The following DDX19B variants were observed in gnomAD, a reference collection of about 807,000 sequenced individuals.
DDX19B encodes the protein DEAD-box helicase 19B.
A neutral mutation model predicts 58.1 loss-of-function variants in DDX19B; 27 were observed. That is an observed-to-expected ratio of 0.46 (90% CI 0.34 to 0.64). The LOEUF is 0.64. Ranked by LOEUF, DDX19B falls within the 30% of genes least tolerant of loss-of-function variation. DDX19B has a pLI of 0.01. For synonymous variants in DDX19B, 187 were observed against 214.4 expected, an observed-to-expected ratio of 0.87 and a Z score of 1.12; for missense variants, 399 against 596.5, an observed-to-expected ratio of 0.67 and a Z score of 3.45.
intron 10 of DDX19B, among the ~76,000 whole-genome samples, chr16:70,332,493 G>A (rs1213226473): frequency 6.6e-6 from 1 of 152,120 alleles, no homozygotes; most frequent in African/African-American, 2.4e-5. Flanking sequence ...TACAGATAGG[G>A]TTTTGCAGTG....
upstream of DDX19B, among the ~76,000 whole-genome samples, chr16:70,298,832 CT>C (rs1961328583): frequency 6.6e-6 from 1 of 152,128 alleles, no homozygotes; most frequent in Non-Finnish European, 1.5e-5. Context: ...TTGCCAACAT[CT>C]GGACATTTTA....
chr16:70,316,630 A>G (rs892034525), intron 4 of DDX19B, among the ~76,000 whole-genome samples: 1 of 152,240 alleles, frequency 6.6e-6, no homozygotes. Context: ...AGCCTGGGCA[A>G]CATAGCGAGA....
At chr16:70,310,893 T>C (rs1404443354) in intron 1 of DDX19B, among the ~76,000 whole-genome samples, 1 of 149,756 alleles carries the variant, frequency 6.7e-6, no homozygotes, top group Non-Finnish European at 1.5e-5. Context: ...TAGCTGGGGG[T>C]GGTAGCGGAC....
At chr16:70,294,851 T>C, upstream of DDX19B, 1 of 1,520,608 alleles carries the variant, frequency 6.6e-7, no homozygotes. Context: ...CCGCGATGGC[T>C]GGGGCTGCCG....
chr16:70,294,537 G>A (rs918946373), upstream of DDX19B, among the ~76,000 whole-genome samples: 1 of 152,192 alleles, frequency 6.6e-6, no homozygotes, highest in African/African-American at 2.4e-5. Context: ...AGATGCTAAT[G>A]GCTCATGATT....
At chr16:70,317,420 A>C in intron 4 of DDX19B, 76 bp from the exon 5 acceptor site, 1 of 1,161,844 alleles carries the variant, frequency 8.6e-7, no homozygotes, top group South Asian at 1.3e-5. Context: ...ACAGTAAAAG[A>C]GAAAAATCCT....
intron 5 of DDX19B, 100 bp from the exon 6 acceptor site, chr16:70,324,485 C>A: frequency 1.0e-6 from 1 of 987,094 alleles, no homozygotes; most frequent in Non-Finnish European, 1.5e-6. Context: ...GCTACATAAT[C>A]CAAGGTCTCC....
rs531212565 is a variant in DDX19B at position 70,316,214 on chromosome 16, T to A, written c.296+110T>A. The A allele has an allele frequency of 1.6e-5, 22 of 1,418,928 alleles. No individual in the cohort carries two copies. In the Middle Eastern group the frequency reaches 5.6e-4, roughly 36 times the overall value. The allele number at this position is 1,418,928 out of a possible 1,614,324, so 87.9% of individuals were successfully genotyped here. A position where few individuals can be genotyped will look rare whatever the true frequency, so the allele number is the denominator to read the frequency against. ...CAGAGCAGTTTTAGCTAACCAAGTTTTTTTTTTTTTTTCGAGACAGAGTCT... is the reference window on the plus strand; with the variant it reads ...CAGAGCAGTTTTAGCTAACCAAGTTATTTTTTTTTTTTCGAGACAGAGTCT... On this transcript the variant is annotated intron_variant, in intron 4 of 11. Transcript: ENST00000288071.
rs1433740854 is a variant in DDX19B at position 70,329,905 on chromosome 16, A to G, written c.860A>G (p.Lys287Arg). 3.7e-6 allele frequency: 6 copies of G among 1,614,118 alleles called. No individual in the cohort carries two copies. Among genetic ancestry groups the G allele is most frequent in the Non-Finnish European group, 4.2e-6 (5 of 1,180,052 alleles). ...GACTCTGTGTGGAAGTTTGCCCAGA[A>G]AGTGGTCCCAGACCCAAACGTTATC... is the stretch of plus-strand genomic sequence containing the variant. ...FEDSVWKFAQKVVPDPNVIKL... is the reference protein window; with the variant it reads ...FEDSVWKFAQRVVPDPNVIKL... Residue 287 changes from lysine to arginine, a missense_variant, in exon 9 of 12, where the codon AAA becomes AGA. Transcript: ENST00000288071.
upstream of DDX19B, among the ~76,000 whole-genome samples, chr16:70,293,548 G>A (rs554417756): frequency 6.7e-6 from 1 of 150,250 alleles, no homozygotes; most frequent in Admixed American, 6.6e-5. Flanking sequence ...CTATAAAATG[G>A]GTTTACAATG....
chr16:70,324,745 T>C (rs910424774), intron 6 of DDX19B, 58 bp downstream of exon 6: 317 of 1,522,760 alleles, frequency 2.1e-4, no homozygotes, highest in Admixed American at 5.1e-4. Flanking sequence ...GGATTTCCAT[T>C]TGATGGATTA....
upstream of DDX19B, among the ~76,000 whole-genome samples, chr16:70,292,566 C>T (rs1961088319): frequency 6.6e-6 from 1 of 152,206 alleles, no homozygotes; most frequent in Non-Finnish European, 1.5e-5. Context: ...ATGTCAACTA[C>T]ATGCTAGAAA....
intron 1 of DDX19B, among the ~76,000 whole-genome samples, chr16:70,305,901 C>T (rs1411335605): frequency 6.6e-6 from 1 of 151,996 alleles, no homozygotes; most frequent in Non-Finnish European, 1.5e-5. Context: ...GCTGGGACTA[C>T]AGGCGCCCAC....
intron 1 of DDX19B, among the ~76,000 whole-genome samples, chr16:70,306,127 TTTG>T (rs551376201): frequency 3.2e-4 from 49 of 151,150 alleles, no homozygotes; most frequent in African/African-American, 8.3e-4. Context: ...TTAGGTCAGT[TTTG>T]TTGTTGTTGT....
intron 11 of DDX19B, 128 bp downstream of exon 11, chr16:70,333,287 T>C (rs1963576802): frequency 1.1e-6 from 1 of 905,122 alleles, no homozygotes; most frequent in Non-Finnish European, 1.7e-6. Flanking sequence ...TTTCTGACCA[T>C]ATGGCAGTTC....
At chr16:70,293,974 C>T (rs183902436), upstream of DDX19B, among the ~76,000 whole-genome samples, 70 of 151,066 alleles carry the variant, frequency 4.6e-4, no homozygotes, top group African/African-American at 1.6e-3. Flanking sequence ...ATTTTTTTGT[C>T]TAATGTACTT....
At chr16:70,300,277 C>T (rs1961424081) in intron 1 of DDX19B, among the ~76,000 whole-genome samples, 1 of 151,822 alleles carries the variant, frequency 6.6e-6, no homozygotes, top group African/African-American at 2.4e-5. Flanking sequence ...GTGATCTTGG[C>T]TCACTGCAGT....
At position 70,333,894 on chromosome 16, in the gene DDX19B, C is replaced by T; in HGVS notation, c.*312C>T. The T allele has an allele frequency of 2.3e-6, 1 of 437,380 alleles. No individual in the cohort carries two copies. The allele number at this position is 437,380 out of a possible 1,614,324, so 27.1% of individuals were successfully genotyped here. A position where few individuals can be genotyped will look rare whatever the true frequency, so the allele number is the denominator to read the frequency against. On this transcript the variant is annotated 3_prime_UTR_variant, in exon 12 of 12. Coordinates refer to ENST00000288071, the MANE Select transcript of DDX19B (RefSeq NM_007242.7). Reference sequence around the variant, plus strand: ...TCTAGATGCTGTGGCTGATTACTTGCCCAGGATCTCCTGTGGCAGCCTCTG... The same window carrying T: ...TCTAGATGCTGTGGCTGATTACTTGTCCAGGATCTCCTGTGGCAGCCTCTG...
intron 5 of DDX19B, among the ~76,000 whole-genome samples, chr16:70,322,588 CAAAAAAA>C (rs568610716): frequency 1.5e-4 from 7 of 47,510 alleles, no homozygotes; most frequent in South Asian, 8.0e-4. Flanking sequence ...GACCTTGTCT[CAAAAAAA>C]AAAAAAAAAA....
Sources: gnomAD v4.1 joint callset for allele counts (sites outside exome capture counted in the v4.1 genomes callset) on GRCh38, gnomAD v4.1.1 for gene constraint, MANE v1.5 for transcripts, NCBI Gene and HGNC (gene_info 2026-07-23, HGNC 2026-07-21) for gene names.